Variants in HECW2 observed in about 807,000 individuals in gnomAD.
HECW2 encodes the protein E3 ubiquitin-protein ligase HECW2.
Under a neutral mutation model 175.2 loss-of-function variants are expected in HECW2, and 61 were observed. The ratio of observed to expected loss-of-function variants is 0.35; its 90% CI spans 0.28 to 0.43. The LOEUF (loss-of-function observed/expected upper bound fraction) is 0.43. Among genes scored for constraint, HECW2 ranks in the 20% least tolerant of loss-of-function variants. The probability of loss-of-function intolerance (pLI) is 1.00; values close to 1 mark genes in which losing one functional copy is unlikely to be tolerated. For synonymous variants in HECW2, 671 were observed against 731.0 expected (o/e 0.92, Z 1.32); for missense variants, 1,524 against 2,000.5 (o/e 0.76, Z 4.54).
chr2:196,309,606 G>A (rs1471122370), intron 10 of HECW2, among the ~76,000 whole-genome samples: 2 of 17,066 alleles, frequency 1.2e-4, no homozygotes, highest in Non-Finnish European at 3.5e-4. Context: ...AAAAGATTTT[G>A]GGAACCAATT....
At chr2:196,575,096 A>AG (rs1690515955) in intron 1 of HECW2, among the ~76,000 whole-genome samples, 1 of 151,034 alleles carries the variant, frequency 6.6e-6, no homozygotes, top group African/African-American at 2.4e-5. Flanking sequence ...AAAAAAAAAA[A>AG]AAAAAAAAAG....
chr2:196,442,968 GA>G (rs1696083379), intron 1 of HECW2, among the ~76,000 whole-genome samples: 1 of 152,068 alleles, frequency 6.6e-6, no homozygotes, highest in South Asian at 2.1e-4. Flanking sequence ...AAACAGAAAG[GA>G]AATTTACTAG....
rs529157922 is a variant in HECW2, at chr2:196,408,986, G to A, written c.292+24146C>T. Among the ~76,000 whole-genome samples, 492 of 152,328 alleles carry A rather than the reference G, an allele frequency of 3.2e-3. 5 individuals are homozygous for A. Among genetic ancestry groups the A allele is most frequent in the Non-Finnish European group, 4.4e-3 (298 of 68,034 alleles). ...CAGGAGAATACAATCAATGGTGTGC[G>A]GGAGTCTATTGTTAACTTTTTCAGG... On this transcript the variant is annotated intron_variant, in intron 2 of 28. Transcript: ENST00000644978.
intron 2 of HECW2, among the ~76,000 whole-genome samples, chr2:196,420,550 T>C (rs1009457157): frequency 6.6e-6 from 1 of 152,230 alleles, no homozygotes; most frequent in Non-Finnish European, 1.5e-5. Context: ...CTGACACCTT[T>C]CATCATAACC....
At chr2:196,523,330 C>T (rs1310369006) in intron 1 of HECW2, among the ~76,000 whole-genome samples, 1 of 151,338 alleles carries the variant, frequency 6.6e-6, no homozygotes, top group Non-Finnish European at 1.5e-5. Context: ...GATTTTGTAT[C>T]CTGAGACTTT....
rs1463892410 is a variant in HECW2 at position 196,198,060 on chromosome 2, G to A, written c.*3217C>T. The A allele has an allele frequency of 6.6e-6, 1 of 152,166 alleles. No individual in the cohort carries two copies. The highest frequency in any genetic ancestry group is 1.5e-5 in the Non-Finnish European group (1 of 68,008). The allele number at this position is 152,166 out of a possible 1,614,324, so 9.4% of individuals were successfully genotyped here. ...CATTCATTTTGTGCACAAGAAAAAT[G>A]TTTTGACCCCAGAAGTGGTTTGGGC... On this transcript the variant is annotated 3_prime_UTR_variant, in exon 29 of 29. Coordinates refer to ENST00000644978, the MANE Select transcript of HECW2 (RefSeq NM_001348768.2).
At chr2:196,535,199 G>A (rs138395227) in intron 1 of HECW2, among the ~76,000 whole-genome samples, 1 of 152,138 alleles carries the variant, frequency 6.6e-6, no homozygotes, top group Non-Finnish European at 1.5e-5. Flanking sequence ...AATCAGTGCT[G>A]TATTCATAAA....
At chr2:196,322,222 C>T (rs1167936547) in intron 7 of HECW2, among the ~76,000 whole-genome samples, 1 of 152,138 alleles carries the variant, frequency 6.6e-6, no homozygotes, top group Non-Finnish European at 1.5e-5. Context: ...GACAATCAAA[C>T]ACTATGAGAT....
intron 17 of HECW2, among the ~76,000 whole-genome samples, chr2:196,262,662 T>C (rs999067707): frequency 6.7e-6 from 1 of 149,772 alleles, no homozygotes; most frequent in Non-Finnish European, 1.5e-5. Flanking sequence ...GCCTCCCGGG[T>C]TCAAGTGATT....
intron 1 of HECW2, among the ~76,000 whole-genome samples, chr2:196,507,458 A>G (rs527978324): frequency 6.6e-6 from 1 of 152,370 alleles, no homozygotes; most frequent in South Asian, 2.1e-4. Flanking sequence ...TCTGATGGTC[A>G]TGACTGGGGT....
At chr2:196,356,398 A>G (rs1693369792) in intron 2 of HECW2, among the ~76,000 whole-genome samples, 1 of 152,224 alleles carries the variant, frequency 6.6e-6, no homozygotes, top group African/African-American at 2.4e-5. Flanking sequence ...AAAATATTAA[A>G]TGGAAAATTC....
chr2:196,331,119 G>A (rs986740736), intron 4 of HECW2: 6 of 983,240 alleles, frequency 6.1e-6, no homozygotes, highest in Non-Finnish European at 7.2e-6. Flanking sequence ...ACTATTTTGT[G>A]TGCCACTTAA....
intron 18 of HECW2, among the ~76,000 whole-genome samples, chr2:196,254,444 G>A (rs1319122187): frequency 1.3e-5 from 2 of 152,160 alleles, no homozygotes; most frequent in South Asian, 2.1e-4. Context: ...CTCAGCCTTC[G>A]AAGGGCTTAG....
At chr2:196,286,316 G>A (rs2106010859) in intron 14 of HECW2, among the ~76,000 whole-genome samples, 1 of 150,580 alleles carries the variant, frequency 6.6e-6, no homozygotes, top group Admixed American at 6.6e-5. Flanking sequence ...CACATTTTAG[G>A]TGGAGTAGAA....
At chr2:196,338,053 A>G (rs1044147139) in intron 3 of HECW2, among the ~76,000 whole-genome samples, 1 of 152,222 alleles carries the variant, frequency 6.6e-6, no homozygotes, top group Non-Finnish European at 1.5e-5. Context: ...ATACAAATGA[A>G]GATGTCCCTC....
chr2:196,443,880 C>G (rs1696108367), intron 1 of HECW2, among the ~76,000 whole-genome samples: 1 of 152,050 alleles, frequency 6.6e-6, no homozygotes, highest in Non-Finnish European at 1.5e-5. Flanking sequence ...ACAAAAAATA[C>G]AAAAATTAGC....
chr2:196,530,139 C>T (rs903973043), intron 1 of HECW2, among the ~76,000 whole-genome samples: 4 of 152,174 alleles, frequency 2.6e-5, no homozygotes, highest in African/African-American at 7.2e-5. Flanking sequence ...ATAGACTTGT[C>T]CTCTTTAAAG....
intron 2 of HECW2, among the ~76,000 whole-genome samples, chr2:196,385,167 C>A (rs933579838): frequency 5.3e-5 from 8 of 152,098 alleles, no homozygotes; most frequent in African/African-American, 1.9e-4. Flanking sequence ...CTGCCTTAGC[C>A]TCCCAAAGTG....
At chr2:196,566,699 A>ATTTTTTT (rs58391487) in intron 1 of HECW2, among the ~76,000 whole-genome samples, 3,908 of 92,226 alleles carry the variant, frequency 0.042, 1 homozygote, top group East Asian at 0.051. Context: ...CACCCAGCTA[A>ATTTTTTT]TTTTTTTTTT....
Sources: allele counts gnomAD v4.1 joint callset (sites outside exome capture counted in the v4.1 genomes callset), GRCh38; gene constraint gnomAD v4.1.1; transcripts MANE v1.5; gene names NCBI Gene and HGNC (gene_info 2026-07-23, HGNC 2026-07-21).